Variants in SYN2 observed in about 807,000 individuals in gnomAD.
SYN2 encodes synapsin II.
A neutral mutation model predicts 50.9 loss-of-function variants in SYN2; 19 were observed. The observed-to-expected ratio is 0.37, with a 90% confidence interval of 0.26 to 0.55. SYN2 has a LOEUF of 0.55. Among genes scored for constraint, SYN2 ranks in the 20% least tolerant of loss-of-function variants. The pLI is 0.81. For synonymous variants in SYN2, 255 were observed against 224.9 expected (o/e 1.13, Z -1.20); for missense variants, 587 against 576.4 (o/e 1.02, Z -0.19).
intron 1 of SYN2, among the ~76,000 whole-genome samples, chr3:12,022,262 C>A (rs967575898): frequency 2.6e-5 from 4 of 152,092 alleles, no homozygotes; most frequent in African/African-American, 9.7e-5. Flanking sequence ...ATTTCAAGTT[C>A]TTGGGACACT....
intron 1 of SYN2, among the ~76,000 whole-genome samples, chr3:12,089,197 A>T (rs1006386163): frequency 7.2e-5 from 11 of 152,180 alleles, no homozygotes; most frequent in African/African-American, 2.4e-4. Context: ...AAGAGGTTTA[A>T]TGGACTTACA....
chr3:12,023,646 A>G (rs1436108915), intron 1 of SYN2, among the ~76,000 whole-genome samples: 3 of 152,186 alleles, frequency 2.0e-5, no homozygotes, highest in South Asian at 2.1e-4. Context: ...CAAAGCTCAC[A>G]TATTTTTTCT....
chr3:12,142,379 A>G (rs990498902), intron 3 of SYN2, among the ~76,000 whole-genome samples: 1 of 152,158 alleles, frequency 6.6e-6, no homozygotes, highest in Non-Finnish European at 1.5e-5. Context: ...AAAATGTCTG[A>G]TGTAGTTCAG....
chr3:12,077,224 C>G (rs1478530985), intron 1 of SYN2, among the ~76,000 whole-genome samples: 1 of 151,900 alleles, frequency 6.6e-6, no homozygotes, highest in Non-Finnish European at 1.5e-5. Context: ...TGGTTTCACT[C>G]CCAAGAAAAT....
At chr3:12,052,974 T>A (rs556727610) in intron 1 of SYN2, among the ~76,000 whole-genome samples, 2 of 152,310 alleles carry the variant, frequency 1.3e-5, no homozygotes, top group African/African-American at 4.8e-5. Context: ...TTGACATAAT[T>A]TCCATACATG....
intron 3 of SYN2, among the ~76,000 whole-genome samples, chr3:12,145,118 T>C (rs913496107): frequency 6.6e-6 from 1 of 151,934 alleles, no homozygotes; most frequent in Non-Finnish European, 1.5e-5. Context: ...ATAATAATAA[T>C]AAAATTACAA....
At chr3:12,136,706 T>C (rs1026623088) in intron 1 of SYN2, among the ~76,000 whole-genome samples, 5 of 152,158 alleles carry the variant, frequency 3.3e-5, no homozygotes. Context: ...TAGAAGCTTC[T>C]GCTCATTTTA....
chr3:12,101,007 G>A (rs1024400879), intron 1 of SYN2, among the ~76,000 whole-genome samples: 8 of 152,082 alleles, frequency 5.3e-5, no homozygotes, highest in Non-Finnish European at 1.5e-5. Context: ...GTGAAGAAAT[G>A]GGAATCCTCA....
chr3:12,063,716 C>A (rs1695157766), intron 1 of SYN2, among the ~76,000 whole-genome samples: 1 of 151,678 alleles, frequency 6.6e-6, no homozygotes, highest in Admixed American at 6.6e-5. Flanking sequence ...AGCCTGAAGC[C>A]CAATTGAAAG....
At chr3:12,145,924 G>A (rs899855130) in intron 4 of SYN2, 89 bp downstream of exon 4, 1 of 1,554,526 alleles carries the variant, frequency 6.4e-7, no homozygotes, top group Non-Finnish European at 8.8e-7. Context: ...GATGCAGTAG[G>A]CCCCAGCCCC....
intron 1 of SYN2, among the ~76,000 whole-genome samples, chr3:12,025,173 G>T (rs1212064252): frequency 6.6e-6 from 1 of 151,786 alleles, no homozygotes. Flanking sequence ...TCATGGGGGG[G>T]GAGGGGCTCT....
chr3:12,062,511 T>C lies in SYN2; in HGVS notation c.377+57583T>C, dbSNP rs566040922. On this transcript the variant is annotated intron_variant, in intron 1 of 12. Transcript: ENST00000621198. ...AGAAAAAAACTGATAAGTTGGACTT[T>C]ATTAAAGTTGAAAATTTCTGCTCTA... Among the ~76,000 whole-genome samples the C allele has an allele frequency of 1.8e-3, 275 of 152,122 alleles. 1 individual carries two copies. The highest frequency in any genetic ancestry group is 6.3e-3 in the African/African-American group (263 of 41,540).
At chr3:12,085,385 G>T (rs550280052) in intron 1 of SYN2, among the ~76,000 whole-genome samples, 1 of 137,526 alleles carries the variant, frequency 7.3e-6, no homozygotes, top group Non-Finnish European at 1.7e-5. Flanking sequence ...ACACACGCAC[G>T]CACGCACGCA....
chr3:12,102,376 C>T (rs1696096253), intron 1 of SYN2, among the ~76,000 whole-genome samples: 1 of 152,062 alleles, frequency 6.6e-6, no homozygotes, highest in Admixed American at 6.5e-5. Context: ...ACTCCATGGA[C>T]ACTTTATGTT....
At chr3:12,101,282 A>G (rs1191234401) in intron 1 of SYN2, among the ~76,000 whole-genome samples, 1 of 152,194 alleles carries the variant, frequency 6.6e-6, no homozygotes, top group African/African-American at 2.4e-5. Context: ...ATATCTATGC[A>G]ATGGAATATT....
chr3:12,174,212 C>T (rs909166975), intron 10 of SYN2, among the ~76,000 whole-genome samples: 9 of 151,592 alleles, frequency 5.9e-5, no homozygotes, highest in Non-Finnish European at 5.9e-5. Context: ...CCTGACCACC[C>T]CTTCAAACTC....
At chr3:12,062,905 A>C (rs1265538035) in intron 1 of SYN2, among the ~76,000 whole-genome samples, 1 of 152,066 alleles carries the variant, frequency 6.6e-6, no homozygotes, top group Non-Finnish European at 1.5e-5. Flanking sequence ...AGTGATAAAA[A>C]TAAATGAGCT....
intron 12 of SYN2, among the ~76,000 whole-genome samples, chr3:12,189,765 G>A (rs1178397583): frequency 1.3e-5 from 2 of 151,552 alleles, no homozygotes; most frequent in African/African-American, 4.9e-5. Context: ...TCGCACCACT[G>A]CACTCCAGCC....
At chr3:12,138,690 G>A (rs1203022565) in intron 1 of SYN2, among the ~76,000 whole-genome samples, 1 of 152,206 alleles carries the variant, frequency 6.6e-6, no homozygotes. Context: ...CTTTGCAAAT[G>A]CAAGGCATCA....
Sources: gnomAD v4.1 joint callset for allele counts (sites outside exome capture counted in the v4.1 genomes callset) on GRCh38, gnomAD v4.1.1 for gene constraint, MANE v1.5 for transcripts, NCBI Gene and HGNC (gene_info 2026-07-23, HGNC 2026-07-21) for gene names.